SEMA6D: variants seen among roughly 807,000 people sequenced by gnomAD.
SEMA6D encodes the protein semaphorin 6D, also known as semaphorin-6D.
A neutral mutation model predicts 106.6 loss-of-function variants in SEMA6D; 35 were observed. That is an observed-to-expected ratio of 0.33 (90% confidence interval 0.25 to 0.44). The LOEUF (loss-of-function observed/expected upper bound fraction) is 0.44, where lower values mean the gene tolerates loss of function less well. Among genes scored for constraint, SEMA6D ranks in the 20% least tolerant of loss-of-function variants. The pLI is 1.00. For synonymous variants in SEMA6D, 499 were observed against 487.7 expected (o/e 1.02, Z -0.31); for missense variants, 1,185 against 1,345.9 (o/e 0.88, Z 1.87).
At chr15:47,222,760 A>G (rs1378218) in intron 1 of SEMA6D, among the ~76,000 whole-genome samples, 4,675 of 152,224 alleles carry the variant, frequency 0.031, 241 homozygotes, top group African/African-American at 0.11. Flanking sequence ...GATGACCGCA[A>G]TTGTGCTATT....
chr15:47,228,787 ACTTGGCCAGAG>A (rs2031987538), intron 1 of SEMA6D, among the ~76,000 whole-genome samples: 1 of 152,000 alleles, frequency 6.6e-6, no homozygotes, highest in Non-Finnish European at 1.5e-5. Flanking sequence ...GTCTGAGTTC[ACTTGGCCAGAG>A]ACTAGCCCTC....
chr15:47,214,223 T>G (rs184965768), intron 1 of SEMA6D, among the ~76,000 whole-genome samples: 1 of 152,338 alleles, frequency 6.6e-6, no homozygotes, highest in East Asian at 1.9e-4. Flanking sequence ...TTAGACTGTT[T>G]AAGTGTAAAA....
intron 3 of SEMA6D, among the ~76,000 whole-genome samples, chr15:47,537,627 A>G (rs1419942610): frequency 1.3e-5 from 2 of 152,220 alleles, no homozygotes; most frequent in East Asian, 3.8e-4. Context: ...GTTAGGCTTG[A>G]GCTACATGGG....
chr15:47,434,990 A>G (rs2041655316), intron 2 of SEMA6D, among the ~76,000 whole-genome samples: 1 of 152,176 alleles, frequency 6.6e-6, no homozygotes, highest in Non-Finnish European at 1.5e-5. Flanking sequence ...CTTGATCCCA[A>G]AGGAAGATAA....
chr15:47,201,756 C>T (rs1390092615), intron 1 of SEMA6D, among the ~76,000 whole-genome samples: 2 of 152,136 alleles, frequency 1.3e-5, no homozygotes, highest in East Asian at 3.9e-4. Flanking sequence ...AGTGTCCCAC[C>T]TCAGGAAGGA....
intron 1 of SEMA6D, among the ~76,000 whole-genome samples, chr15:47,201,678 T>G (rs1894735699): frequency 6.6e-6 from 1 of 152,118 alleles, no homozygotes; most frequent in Admixed American, 6.5e-5. Flanking sequence ...CCGTAATGTT[T>G]AACCATACCT....
chr15:47,221,998 A>AGC (rs1234926754), intron 1 of SEMA6D, among the ~76,000 whole-genome samples: 1 of 151,976 alleles, frequency 6.6e-6, no homozygotes, highest in Non-Finnish European at 1.5e-5. Context: ...TGCACAAGCA[A>AGC]GCGCACACAC....
At chr15:47,190,196 A>T (rs999095949) in intron 1 of SEMA6D, among the ~76,000 whole-genome samples, 2 of 152,200 alleles carry the variant, frequency 1.3e-5, no homozygotes, top group African/African-American at 4.8e-5. Context: ...GACCCCTAAG[A>T]GATTTGGAGA....
At chr15:47,631,607 C>T (rs1257402035) in intron 4 of SEMA6D, among the ~76,000 whole-genome samples, 1 of 150,852 alleles carries the variant, frequency 6.6e-6, no homozygotes, top group East Asian at 1.9e-4. Context: ...AAGATTTGGC[C>T]AAATAAGGAA....
intron 4 of SEMA6D, among the ~76,000 whole-genome samples, chr15:47,611,350 G>A (rs923510940): frequency 3.3e-4 from 50 of 152,056 alleles, no homozygotes; most frequent in African/African-American, 1.1e-3. Flanking sequence ...ATGACAACAT[G>A]CTATCATATG....
At chr15:47,660,195 T>TA (rs35019889) in intron 4 of SEMA6D, among the ~76,000 whole-genome samples, 2,955 of 146,842 alleles carry the variant, frequency 0.02, 84 homozygotes, top group African/African-American at 0.07. Context: ...ATCAACATAA[T>TA]AAAAAAAAAA....
In SEMA6D at chr15:47,766,625, A is replaced by T; in HGVS notation, c.1656A>T (p.Gly552=). 1 of 1,613,048 alleles carries T rather than the reference A, an allele frequency of 6.2e-7. No individual in the cohort carries two copies. Among genetic ancestry groups the T allele is most frequent in the Non-Finnish European group, 8.5e-7 (1 of 1,179,300 alleles). ...CTTTCCATAACCACAGTGCTGAAGG[A>T]TATGAACAAGACACAGAATTCGGCA... ...GRVTPGMLAE[G]YEQDTEFGNT... Residue 552 remains glycine (G), a synonymous_variant, in exon 16 of 19, where the codon GGA becomes GGT. Transcript: ENST00000536845.
At chr15:47,370,821 G>A (rs1327320391) in intron 1 of SEMA6D, among the ~76,000 whole-genome samples, 2 of 151,864 alleles carry the variant, frequency 1.3e-5, no homozygotes, top group African/African-American at 2.4e-5. Flanking sequence ...AGCTGAGATC[G>A]TGCCACTGCA....
In SEMA6D at chr15:47,230,765, G is replaced by A. The variant is rs141000038; in HGVS notation, c.-239+46347G>A. Reference sequence around the variant, plus strand: ...TGAGAAACTGCCTGAGAAACACTAGGGGTGAGGCCAACAATCTAGGTTTTA... The same window carrying A: ...TGAGAAACTGCCTGAGAAACACTAGAGGTGAGGCCAACAATCTAGGTTTTA... On this transcript the variant is annotated intron_variant, in intron 1 of 19. Transcript: ENST00000558014. Among the ~76,000 whole-genome samples the A allele has an allele frequency of 5.9e-4, 89 of 152,068 alleles. 1 individual carries two copies. Among genetic ancestry groups the A allele is most frequent in the African/African-American group, 2.0e-3 (85 of 41,530 alleles).
intron 4 of SEMA6D, among the ~76,000 whole-genome samples, chr15:47,682,769 G>A (rs1341778112): frequency 6.6e-6 from 1 of 152,202 alleles, no homozygotes; most frequent in Admixed American, 6.5e-5. Context: ...TAGTTAAACT[G>A]ACTACTCATT....
At chr15:47,648,863 T>G (rs1035233138) in intron 4 of SEMA6D, among the ~76,000 whole-genome samples, 1 of 152,362 alleles carries the variant, frequency 6.6e-6, no homozygotes, top group East Asian at 1.9e-4. Flanking sequence ...TAACTCTTGT[T>G]TATATCAATT....
intron 1 of SEMA6D, among the ~76,000 whole-genome samples, chr15:47,207,642 T>A (rs1314283819): frequency 1.3e-5 from 2 of 152,112 alleles, no homozygotes; most frequent in African/African-American, 4.8e-5. Context: ...GGTTCCAATT[T>A]AGCAAATCTG....
At chr15:47,628,906 A>T (rs547185454) in intron 4 of SEMA6D, among the ~76,000 whole-genome samples, 1 of 152,158 alleles carries the variant, frequency 6.6e-6, no homozygotes, top group East Asian at 1.9e-4. Context: ...GATAATTTTT[A>T]TAGAAGCCGT....
intron 1 of SEMA6D, among the ~76,000 whole-genome samples, chr15:47,358,689 T>C (rs2038686251): frequency 6.6e-6 from 1 of 152,230 alleles, no homozygotes; most frequent in African/African-American, 2.4e-5. Context: ...AATGTGCTAA[T>C]GGGGCTGTGT....
Sources: gnomAD v4.1 joint callset for allele counts (sites outside exome capture counted in the v4.1 genomes callset) on GRCh38, gnomAD v4.1.1 for gene constraint, MANE v1.5 for transcripts, NCBI Gene and HGNC (gene_info 2026-07-23, HGNC 2026-07-21) for gene names.